ZBTB20: variants seen among roughly 807,000 people sequenced by gnomAD.
ZBTB20 encodes the protein zinc finger and BTB domain-containing protein 20.
A neutral mutation model predicts 56.9 loss-of-function variants in ZBTB20; 9 were observed. The ratio of observed to expected loss-of-function variants is 0.16; its 90% CI spans 0.10 to 0.28. The LOEUF is 0.28. Among genes scored for constraint, ZBTB20 ranks in the 10% least tolerant of loss-of-function variants. The pLI is 1.00. For synonymous variants in ZBTB20, 417 were observed against 420.7 expected (o/e 0.99, Z 0.11); for missense variants, 655 against 1,003.0 (o/e 0.65, Z 4.69).
chr3:115,119,795 A>C (rs1027607802), intron 1 of ZBTB20, among the ~76,000 whole-genome samples: 2 of 152,172 alleles, frequency 1.3e-5, no homozygotes, highest in Admixed American at 6.5e-5. Context: ...CACTGTTCTA[A>C]AACAGAGAGA....
intron 7 of ZBTB20, among the ~76,000 whole-genome samples, chr3:114,434,558 T>TGTGTGTGTGTG (rs1576744101): frequency 7.5e-5 from 11 of 146,046 alleles, no homozygotes; most frequent in South Asian, 2.2e-4. Context: ...GTGTGTGTGT[T>TGTGTGTGTGTG]TGTGTGTGTG....
At chr3:114,988,065 A>G (rs1576496471) in intron 2 of ZBTB20, among the ~76,000 whole-genome samples, 1 of 147,102 alleles carries the variant, frequency 6.8e-6, no homozygotes. Flanking sequence ...TGTTTTTTTC[A>G]CATTGCAAGT....
rs73228382 is a variant in ZBTB20 at position 114,954,427 on chromosome 3, T to A, written c.-456+19939A>T. Among the ~76,000 whole-genome samples, 872 of 152,222 alleles carry A rather than the reference T, an allele frequency of 5.7e-3. 1 individual carries two copies. The highest frequency in any genetic ancestry group is 9.6e-3 in the Non-Finnish European group (654 of 67,990). On this transcript the variant is annotated intron_variant, in intron 3 of 11. Coordinates refer to ENST00000675478, the MANE Select transcript of ZBTB20 (RefSeq NM_001348800.3). ...ATATTAATCCTTAAAAGAAATCAGGTAATGAGTCTGAAATAAGTTTAATGT... is the reference window on the plus strand; with the variant it reads ...ATATTAATCCTTAAAAGAAATCAGGAAATGAGTCTGAAATAAGTTTAATGT...
intron 4 of ZBTB20, among the ~76,000 whole-genome samples, chr3:114,807,269 G>A (rs959693361): frequency 1.3e-5 from 2 of 151,766 alleles, no homozygotes; most frequent in Admixed American, 6.6e-5. Flanking sequence ...TTATTAGTTC[G>A]TGTGTGTGGT....
chr3:114,971,483 T>C (rs2077881978), intron 3 of ZBTB20, among the ~76,000 whole-genome samples: 1 of 152,232 alleles, frequency 6.6e-6, no homozygotes, highest in Non-Finnish European at 1.5e-5. Context: ...AAAGTGCGGA[T>C]TGTAAAATAG....
chr3:114,769,543 G>A (rs1409055785), intron 5 of ZBTB20, among the ~76,000 whole-genome samples: 9 of 131,194 alleles, frequency 6.9e-5, no homozygotes, highest in African/African-American at 2.5e-4. Context: ...TTTACTGTGT[G>A]CCAAAATGCA....
chr3:114,430,551 C>A (rs1030662646), intron 7 of ZBTB20, among the ~76,000 whole-genome samples: 3 of 152,198 alleles, frequency 2.0e-5, no homozygotes, highest in African/African-American at 7.2e-5. Flanking sequence ...CACACATTTT[C>A]TGCCACCTTG....
At chr3:115,091,789 T>C (rs977697757) in intron 1 of ZBTB20, among the ~76,000 whole-genome samples, 1 of 151,808 alleles carries the variant, frequency 6.6e-6, no homozygotes, top group Non-Finnish European at 1.5e-5. Context: ...CCTCAAATAT[T>C]TGCATAGCTC....
intron 4 of ZBTB20, among the ~76,000 whole-genome samples, chr3:114,842,543 A>G (rs1048320441): frequency 1.3e-5 from 2 of 152,236 alleles, no homozygotes; most frequent in African/African-American, 4.8e-5. Context: ...GGCAGACATA[A>G]GAACCAATGC....
chr3:115,055,660 A>G (rs1576665421), intron 2 of ZBTB20, among the ~76,000 whole-genome samples: 1 of 152,098 alleles, frequency 6.6e-6, no homozygotes, highest in Admixed American at 6.6e-5. Flanking sequence ...AATATAAAAA[A>G]CACTGTCCCT....
At chr3:114,361,288 G>A (rs1435676301) in intron 10 of ZBTB20, among the ~76,000 whole-genome samples, 1 of 152,166 alleles carries the variant, frequency 6.6e-6, no homozygotes, top group Non-Finnish European at 1.5e-5. Flanking sequence ...CAGTTCTGAA[G>A]TTATTGTGGT....
intron 2 of ZBTB20, among the ~76,000 whole-genome samples, chr3:115,070,873 G>C (rs2082385528): frequency 6.6e-6 from 1 of 151,616 alleles, no homozygotes; most frequent in Admixed American, 6.6e-5. Context: ...CTCCCTACTA[G>C]AGAAAACCAT....
chr3:115,068,894 T>C (rs770394190), intron 2 of ZBTB20, among the ~76,000 whole-genome samples: 1 of 150,318 alleles, frequency 6.7e-6, no homozygotes, highest in Non-Finnish European at 1.5e-5. Context: ...AAAAAAAAAG[T>C]TGACAGTTTG....
chr3:114,753,118 T>TAC (rs200579734), intron 5 of ZBTB20, among the ~76,000 whole-genome samples: 8 of 150,572 alleles, frequency 5.3e-5, no homozygotes, highest in African/African-American at 7.3e-5. Context: ...CATCAAGGAA[T>TAC]ACACACACAC....
intron 6 of ZBTB20, among the ~76,000 whole-genome samples, chr3:114,567,619 A>G (rs1237645142): frequency 6.6e-6 from 1 of 152,102 alleles, no homozygotes; most frequent in Admixed American, 6.5e-5. Context: ...AAAAGTGAAT[A>G]TGCCTTTCAT....
intron 3 of ZBTB20, among the ~76,000 whole-genome samples, chr3:114,927,532 C>T (rs1202926651): frequency 6.6e-6 from 1 of 152,052 alleles, no homozygotes; most frequent in African/African-American, 2.4e-5. Context: ...GTTTCAAAAC[C>T]AACACTCTTC....
intron 3 of ZBTB20, among the ~76,000 whole-genome samples, chr3:114,949,100 G>A (rs553791056): frequency 7.5e-5 from 11 of 146,160 alleles, no homozygotes; most frequent in Middle Eastern, 3.4e-3. Flanking sequence ...CCTGGAATAA[G>A]AGTCCAGAAA....
intron 1 of ZBTB20, among the ~76,000 whole-genome samples, chr3:115,134,037 T>A (rs1045354742): frequency 2.0e-5 from 3 of 152,234 alleles, no homozygotes; most frequent in African/African-American, 7.2e-5. Flanking sequence ...ATTACTTTCA[T>A]CTTTCTAACA....
intron 5 of ZBTB20, among the ~76,000 whole-genome samples, chr3:114,767,013 T>C (rs1477286517): frequency 1.3e-5 from 2 of 152,124 alleles, no homozygotes; most frequent in Non-Finnish European, 2.9e-5. Context: ...AAATGTAACC[T>C]GAGTTCTTTT....
Sources: gnomAD v4.1 joint callset for allele counts (sites outside exome capture counted in the v4.1 genomes callset) on GRCh38, gnomAD v4.1.1 for gene constraint, MANE v1.5 for transcripts, NCBI Gene and HGNC (gene_info 2026-07-23, HGNC 2026-07-21) for gene names.